The following POU2AF2 variants were observed in gnomAD, a reference collection of about 807,000 sequenced individuals.
POU2AF2 encodes the protein POU domain class 2-associating factor 2.
At chr11:111,286,019 G>T in the POU2AF2 span, 1 of 1,613,562 alleles carries the variant, frequency 6.2e-7, no homozygotes, top group African/African-American at 1.3e-5. Context: ...TGGGAGTATT[G>T]CCTGGGGGTC....
chr11:111,277,544 G>A, the POU2AF2 span, among the ~76,000 whole-genome samples: 1 of 152,250 alleles, frequency 6.6e-6, no homozygotes, highest in Non-Finnish European at 1.5e-5. Context: ...CTCCCTGCCT[G>A]GGGCAGAGGC....
chr11:111,284,029 C>G, the POU2AF2 span: 11 of 1,573,266 alleles, frequency 7.0e-6, no homozygotes, highest in Non-Finnish European at 9.5e-6. Flanking sequence ...AGGCCTTGAC[C>G]GCCCTGGGAG....
the POU2AF2 span, among the ~76,000 whole-genome samples, chr11:111,254,954 A>G: frequency 5.9e-5 from 9 of 152,220 alleles, no homozygotes; most frequent in Admixed American, 3.9e-4. Flanking sequence ...GTTAGAAAAC[A>G]TCTTAGAATT....
the POU2AF2 span, among the ~76,000 whole-genome samples, chr11:111,268,479 TTTA>T: frequency 8.4e-3 from 213 of 25,364 alleles, 5 homozygotes; most frequent in African/African-American, 0.025. Context: ...TTTTTCTTTT[TTTA>T]TTTTATTTTA....
chr11:111,285,920 G>C, the POU2AF2 span: 174 of 1,613,870 alleles, frequency 1.1e-4, 3 homozygotes, highest in East Asian at 2.4e-3. Context: ...GGTGTCAAAT[G>C]ACCTACCGCC....
At chr11:111,258,726 T>C in the POU2AF2 span, among the ~76,000 whole-genome samples, 1 of 152,240 alleles carries the variant, frequency 6.6e-6, no homozygotes, top group African/African-American at 2.4e-5. Flanking sequence ...CCATGTCTAC[T>C]ATTATTGGGT....
chr11:111,266,839 C>T, the POU2AF2 span, among the ~76,000 whole-genome samples: 1 of 152,132 alleles, frequency 6.6e-6, no homozygotes, highest in Non-Finnish European at 1.5e-5. Flanking sequence ...AGATTTGGAA[C>T]TAGGTTTGTG....
chr11:111,257,391 G>C, the POU2AF2 span, among the ~76,000 whole-genome samples: 1 of 145,514 alleles, frequency 6.9e-6, no homozygotes, highest in South Asian at 2.2e-4. Flanking sequence ...ATGGAGTCTC[G>C]CACTGTTGCC....
At chr11:111,258,149 T>C in the POU2AF2 span, among the ~76,000 whole-genome samples, 9 of 152,094 alleles carry the variant, frequency 5.9e-5, 2 homozygotes, top group African/African-American at 2.2e-4. Flanking sequence ...AAATAAAATA[T>C]CAATCCAAAT....
At chr11:111,278,623 T>C in the POU2AF2 span, among the ~76,000 whole-genome samples, 1 of 152,152 alleles carries the variant, frequency 6.6e-6, no homozygotes, top group East Asian at 1.9e-4. Flanking sequence ...GCCAGCTTTC[T>C]GCAAACCAGA....
the POU2AF2 span, among the ~76,000 whole-genome samples, chr11:111,283,365 A>C: frequency 6.6e-6 from 1 of 151,996 alleles, no homozygotes; most frequent in Non-Finnish European, 1.5e-5. Flanking sequence ...GGGAAACTTT[A>C]TGTAGCCGGC....
At chr11:111,260,036 A>T in the POU2AF2 span, among the ~76,000 whole-genome samples, 1 of 152,224 alleles carries the variant, frequency 6.6e-6, no homozygotes, top group African/African-American at 2.4e-5. Flanking sequence ...TATCATATGC[A>T]TTAGTCATTG....
the POU2AF2 span, among the ~76,000 whole-genome samples, chr11:111,254,269 T>A: frequency 1.3e-5 from 2 of 152,272 alleles, no homozygotes; most frequent in Non-Finnish European, 2.9e-5. Flanking sequence ...TATTTCAAGC[T>A]TCTTTAATTA....
chr11:111,249,822 G>A, the POU2AF2 span, among the ~76,000 whole-genome samples: 38 of 151,720 alleles, frequency 2.5e-4, no homozygotes, highest in South Asian at 7.3e-3. Context: ...CCTCTCCTCC[G>A]TGCACCCCTA....
At chr11:111,270,536 T>A in the POU2AF2 span, among the ~76,000 whole-genome samples, 1 of 152,228 alleles carries the variant, frequency 6.6e-6, no homozygotes, top group Non-Finnish European at 1.5e-5. Flanking sequence ...CTTTTGAGGA[T>A]ATATGTTTCA....
the POU2AF2 span, chr11:111,285,799 G>A: frequency 6.2e-7 from 1 of 1,609,498 alleles, no homozygotes; most frequent in East Asian, 2.2e-5. Flanking sequence ...GCTCAAGCTG[G>A]GGGTCATCCC....
At chr11:111,264,606 A>AG in the POU2AF2 span, among the ~76,000 whole-genome samples, 2 of 118,192 alleles carry the variant, frequency 1.7e-5, no homozygotes, top group African/African-American at 5.8e-5. Flanking sequence ...GAAGAAAGAG[A>AG]CGAAAGAAAG....
chr11:111,250,208 G>A, the POU2AF2 span, among the ~76,000 whole-genome samples: 1 of 151,894 alleles, frequency 6.6e-6, no homozygotes, highest in Non-Finnish European at 1.5e-5. Flanking sequence ...CTTTTCCCTT[G>A]AAAGGTCTCT....
At chr11:111,284,299 G>C in the POU2AF2 span, 5 of 1,613,264 alleles carry the variant, frequency 3.1e-6, no homozygotes, top group Non-Finnish European at 4.2e-6. Context: ...CGCCCAACGC[G>C]GGCTCTCTGT....
Sources: allele counts gnomAD v4.1 joint callset (sites outside exome capture counted in the v4.1 genomes callset), GRCh38; gene constraint gnomAD v4.1.1; transcripts MANE v1.5; gene names NCBI Gene and HGNC (gene_info 2026-07-23, HGNC 2026-07-21).